TBC1D19: variants seen among roughly 807,000 people sequenced by gnomAD.
TBC1D19 encodes TBC1 domain family, member 19.
A neutral mutation model predicts 89.0 loss-of-function variants in TBC1D19; 60 were observed. The observed-to-expected ratio is 0.67, with a 90% CI of 0.55 to 0.84. The LOEUF is 0.84. TBC1D19 is among the 40% of genes least tolerant of loss of function. The pLI, the probability that TBC1D19 is intolerant of heterozygous loss-of-function variation, is 0.00. For synonymous variants in TBC1D19, 189 were observed against 199.7 expected, an observed-to-expected ratio of 0.95 and a Z score of 0.45; for missense variants, 500 against 610.8, an observed-to-expected ratio of 0.82 and a Z score of 1.91.
the TBC1D19 span, among the ~76,000 whole-genome samples, chr4:26,851,315 A>ATCTATCTGTCTGTCTG: frequency 1.2e-3 from 177 of 143,312 alleles, no homozygotes; most frequent in Admixed American, 1.9e-3. Context: ...CTATCTATCT[A>ATCTATCTGTCTGTCTG]TCTATCTATC....
chr4:26,812,459 G>A, the TBC1D19 span, among the ~76,000 whole-genome samples: 3 of 152,228 alleles, frequency 2.0e-5, no homozygotes, highest in South Asian at 2.1e-4. This position sits in a 1 kb window ranked among gnomAD's most constrained non-coding sequence, Gnocchi z 4.2. Flanking sequence ...TGGGCATTCC[G>A]GAGAGCACCA....
intron 15 of TBC1D19, among the ~76,000 whole-genome samples, chr4:26,730,546 A>G (rs2109294267): frequency 6.6e-6 from 1 of 152,346 alleles, no homozygotes; most frequent in East Asian, 1.9e-4. Context: ...CAAAATATAT[A>G]AAAGTTATAA....
intron 7 of TBC1D19, among the ~76,000 whole-genome samples, chr4:26,657,062 C>G (rs985623567): frequency 4.0e-4 from 51 of 128,876 alleles, no homozygotes; most frequent in African/African-American, 7.6e-4. Flanking sequence ...TCTTGTTCTT[C>G]TTCTTCTTCT....
the TBC1D19 span, among the ~76,000 whole-genome samples, chr4:26,807,620 G>A: frequency 1.3e-5 from 2 of 152,148 alleles, no homozygotes; most frequent in Admixed American, 6.5e-5. Context: ...CTTGCTTGGC[G>A]AGTTCATCTC....
the TBC1D19 span, among the ~76,000 whole-genome samples, chr4:26,820,978 G>T: frequency 6.6e-6 from 1 of 152,168 alleles, no homozygotes; most frequent in African/African-American, 2.4e-5. Flanking sequence ...CTGTTGACTG[G>T]CTACCAAATG....
chr4:26,663,091 C>T (rs1010705680), intron 8 of TBC1D19: 22 of 152,294 alleles, frequency 1.4e-4, no homozygotes, highest in Admixed American at 1.2e-3. Flanking sequence ...ACCAAAAGTA[C>T]AGATGATCTC....
the TBC1D19 span, among the ~76,000 whole-genome samples, chr4:26,773,222 T>G: frequency 6.6e-6 from 1 of 152,260 alleles, no homozygotes; most frequent in Non-Finnish European, 1.5e-5. Context: ...TCAGTAATAT[T>G]GAGCTTTATT....
In TBC1D19 at chr4:26,618,932, C is replaced by G. The variant is rs141449057; in HGVS notation, c.219-1681C>G. Among the ~76,000 whole-genome samples, 200 of 152,218 alleles carry G rather than the reference C, an allele frequency of 1.3e-3. 1 individual carries two copies. Among genetic ancestry groups the G allele is most frequent in the Non-Finnish European group, 4.9e-4 (33 of 68,014 alleles). ...GCTGTATAAGTTTCTGTGCATTTTT[C>G]CTATCTGGCAACTCTTATCTCTGCA... On this transcript the variant is annotated intron_variant, in intron 3 of 20. Coordinates refer to ENST00000264866, the MANE Select transcript of TBC1D19 (RefSeq NM_018317.4).
the TBC1D19 span, among the ~76,000 whole-genome samples, chr4:26,811,227 C>A: frequency 1.3e-5 from 2 of 152,194 alleles, no homozygotes; most frequent in African/African-American, 2.4e-5. Context: ...AAGCTGGAAG[C>A]CATCATTCTC....
chr4:26,587,303 C>T (rs374494952), intron 1 of TBC1D19, among the ~76,000 whole-genome samples: 4 of 152,068 alleles, frequency 2.6e-5, no homozygotes, highest in African/African-American at 7.2e-5. Context: ...TGTGGCCAGG[C>T]GCGATGGCTC....
rs189913622 is a variant in TBC1D19, at chr4:26,693,933, G to A, written c.954+5526G>A. On this transcript the variant is annotated intron_variant, in intron 13 of 20. Coordinates refer to ENST00000264866, the MANE Select transcript of TBC1D19 (RefSeq NM_018317.4). ...GTCATTCAGCAGTTCCAAGATGGCC[G>A]AATAGGAACAGCTCCAGTCTACAGC... Among the ~76,000 whole-genome samples, 8 of 152,190 alleles carry A rather than the reference G, an allele frequency of 5.3e-5. No individual in the cohort carries two copies. The East Asian group carries it at 5.8e-4, about 11-fold the overall frequency.
At chr4:26,829,660 T>C in the TBC1D19 span, among the ~76,000 whole-genome samples, 3 of 152,170 alleles carry the variant, frequency 2.0e-5, no homozygotes, top group Non-Finnish European at 4.4e-5. Context: ...TGAGAAAGTG[T>C]CTAGGCTAAG....
the TBC1D19 span, among the ~76,000 whole-genome samples, chr4:26,822,940 C>T: frequency 1.4e-3 from 212 of 152,324 alleles, 3 homozygotes; most frequent in South Asian, 0.043. Context: ...TACCCTTCCA[C>T]TCTCAATAGT....
At chr4:26,851,120 C>T in the TBC1D19 span, among the ~76,000 whole-genome samples, 2 of 152,232 alleles carry the variant, frequency 1.3e-5, no homozygotes, top group Non-Finnish European at 2.9e-5. Context: ...ACTAGCACCC[C>T]TCAATCCAAG....
At chr4:26,822,604 G>A in the TBC1D19 span, among the ~76,000 whole-genome samples, 35 of 152,100 alleles carry the variant, frequency 2.3e-4, no homozygotes, top group African/African-American at 8.0e-4. Context: ...GGCCCTTTAC[G>A]TAATGCTATG....
chr4:26,626,277 A>G (rs1013085202), intron 4 of TBC1D19, among the ~76,000 whole-genome samples: 5 of 152,172 alleles, frequency 3.3e-5, no homozygotes, highest in African/African-American at 9.7e-5. Flanking sequence ...ACTGATCATG[A>G]AACCCTATTT....
chr4:26,730,389 T>C (rs1168108565), intron 15 of TBC1D19, among the ~76,000 whole-genome samples: 1 of 152,182 alleles, frequency 6.6e-6, no homozygotes, highest in Non-Finnish European at 1.5e-5. Flanking sequence ...GTATCAAATA[T>C]TGTGCTAATC....
At chr4:26,705,894 T>TTTTG (rs1029477529) in intron 13 of TBC1D19, among the ~76,000 whole-genome samples, 12 of 152,166 alleles carry the variant, frequency 7.9e-5, no homozygotes, top group Admixed American at 1.3e-4. Flanking sequence ...TTTTGTTTTG[T>TTTTG]TTTGTTTGTT....
chr4:26,582,966 G>T (rs184889496), upstream of TBC1D19, among the ~76,000 whole-genome samples: 1 of 152,190 alleles, frequency 6.6e-6, no homozygotes, highest in East Asian at 1.9e-4. Flanking sequence ...TAATTTCTTG[G>T]ACTTGTCAGA....
Sources: allele counts gnomAD v4.1 joint callset (sites outside exome capture counted in the v4.1 genomes callset), GRCh38; gene constraint gnomAD v4.1.1; non-coding constraint Gnocchi (gnomAD v3.1); transcripts MANE v1.5; gene names NCBI Gene and HGNC (gene_info 2026-07-23, HGNC 2026-07-21).